Variants in UBA52 observed in about 807,000 individuals in gnomAD.
UBA52 encodes the protein ubiquitin A-52 residue ribosomal protein fusion product 1, also known as ubiquitin-ribosomal protein eL40 fusion protein.
UBA52 carries 1 observed loss-of-function variant against 15.3 expected under a neutral mutation model. The ratio of observed to expected loss-of-function variants is 0.07; its 90% CI spans 0.02 to 0.31. UBA52 has a LOEUF of 0.31. Among genes scored for constraint, UBA52 ranks in the 10% least tolerant of loss-of-function variants. The probability of loss-of-function intolerance (pLI) is 1.00; values close to 1 mark genes in which losing one functional copy is unlikely to be tolerated. For missense variants in UBA52, 87 were observed against 168.0 expected (o/e 0.52, Z 2.66); for synonymous variants, 50 against 58.3 (o/e 0.86, Z 0.65).
In UBA52 at chr19:18,573,326, C is replaced by G; in HGVS notation, c.26C>G (p.Thr9Ser). 6.2e-7 allele frequency: 1 copy of G among 1,614,236 alleles called. No individual in the cohort carries two copies. Among genetic ancestry groups the G allele is most frequent in the Non-Finnish European group, 8.5e-7 (1 of 1,180,032 alleles). The part of the protein sequence containing the change: MQIFVKTL[T>S]GKTITLEVEP... ...ATGCAGATCTTTGTGAAGACCCTCA[C>G]TGGCAAAACCATCACCCTTGAGGTC... The change falls in exon 2 of 5, where the codon ACT becomes AGT. Residue 9 changes from threonine to serine, a missense_variant. Coordinates refer to ENST00000442744, the MANE Select transcript of UBA52 (RefSeq NM_001033930.3).
In UBA52 at chr19:18,576,998, T is replaced by TTTTTTA. The variant is rs1235449754; in HGVS notation, c.*1848_*1849insTTTTTA. On this transcript the variant is annotated 3_prime_UTR_variant, in exon 5 of 5. Coordinates refer to ENST00000442744, the MANE Select transcript of UBA52 (RefSeq NM_001033930.3). The stretch of plus-strand genomic sequence containing the variant: ...ACATTTTTTTTTTTTTTTTTTTTTT[T>TTTTTTA]ACAGACATGGTCTCGCTATGTTGCC... The TTTTTTA allele has an allele frequency of 6.7e-6, 1 of 148,884 alleles. No homozygotes were observed. Among genetic ancestry groups the TTTTTTA allele is most frequent in the Non-Finnish European group, 1.5e-5 (1 of 67,578 alleles). 9.2% of individuals were successfully genotyped at this position (148,884 alleles called of 1,614,324 possible).
At chr19:18,570,761 A>G, upstream of UBA52, among the ~76,000 whole-genome samples, 1 of 131,166 alleles carries the variant, frequency 7.6e-6, no homozygotes, top group East Asian at 2.2e-4. Context: ...TCTCTCGGCT[A>G]ATTGCAACCT....
upstream of UBA52, among the ~76,000 whole-genome samples, chr19:18,570,624 G>A (rs1178626888): frequency 1.4e-5 from 2 of 146,274 alleles, no homozygotes; most frequent in Non-Finnish European, 3.0e-5. Flanking sequence ...CGATTCTCCT[G>A]CCTCAGCCTC....
chr19:18,565,115 TTTC>T, the UBA52 span: 1 of 1,539,622 alleles, frequency 6.5e-7, no homozygotes. Flanking sequence ...TAAAGGGAGA[TTTC>T]TGTTTGTTTT....
rs1027396735 is a variant in UBA52, at chr19:18,576,861, T to G, written c.*1711T>G. ...TTTTCTGTTTTTAGTAGAGACAGGGTTTTGCTATGTTGGCCAGGCTGGTCT... is the reference window on the plus strand; with the variant it reads ...TTTTCTGTTTTTAGTAGAGACAGGGGTTTGCTATGTTGGCCAGGCTGGTCT... On this transcript the variant is annotated 3_prime_UTR_variant, in exon 5 of 5. Transcript: ENST00000442744. 2.6e-5 allele frequency: 4 copies of G among 151,880 alleles called. No homozygotes were observed. Among genetic ancestry groups the G allele is most frequent in the African/African-American group, 9.7e-5 (4 of 41,306 alleles). The allele number at this position is 151,880 out of a possible 1,614,324, so 9.4% of individuals were successfully genotyped here. A position where few individuals can be genotyped will look rare whatever the true frequency, so the allele number is the denominator to read the frequency against.
chr19:18,574,374 C>T (rs1350936775), intron 3 of UBA52, among the ~76,000 whole-genome samples: 1 of 151,766 alleles, frequency 6.6e-6, no homozygotes, highest in Non-Finnish European at 1.5e-5. Context: ...CTGTGACCTC[C>T]GTCTCCCGGG....
chr19:18,571,192 C>T (rs548149524), upstream of UBA52, among the ~76,000 whole-genome samples: 2 of 151,614 alleles, frequency 1.3e-5, no homozygotes, highest in South Asian at 4.2e-4. Flanking sequence ...CACTTGTAAT[C>T]GCAGCTACTC....
At chr19:18,565,315 C>T in the UBA52 span, 34 of 592,156 alleles carry the variant, frequency 5.7e-5, no homozygotes, top group African/African-American at 4.4e-4. Context: ...CTGCAAGCTC[C>T]GCTTCCCGGG....
At chr19:18,565,077 G>A in the UBA52 span, 2 of 1,585,464 alleles carry the variant, frequency 1.3e-6, no homozygotes, top group Non-Finnish European at 1.7e-6. Flanking sequence ...CTCCCCATCT[G>A]AGCCTCAGTT....
At chr19:18,568,306 G>A, upstream of UBA52, 1 of 860,268 alleles carries the variant, frequency 1.2e-6, no homozygotes, top group Non-Finnish European at 1.9e-6. Flanking sequence ...ACCCCCATGG[G>A]GTGAGGGCAG....
chr19:18,567,995 C>T (rs769335567), upstream of UBA52, among the ~76,000 whole-genome samples: 6 of 152,264 alleles, frequency 3.9e-5, no homozygotes, highest in South Asian at 2.1e-4. Context: ...CTGCCAGGCG[C>T]GGTGGCTCAT....
rs6554 is a variant in UBA52, at chr19:18,575,154, G to T, written c.*4G>T. The T allele has an allele frequency of 0.61, 988,142 of 1,613,814 alleles. 307,670 individuals are homozygous for T. The highest frequency in any genetic ancestry group is 0.92 in the African/African-American group (68,755 of 75,008). On this transcript the variant is annotated 3_prime_UTR_variant, in exon 5 of 5. Coordinates refer to ENST00000442744, the MANE Select transcript of UBA52 (RefSeq NM_001033930.3). ...TCCCAAGAAGAAGGTCAAATAAGGTGGTTCTTTCCTTGAAGGGCAGCCTCC... is the reference window on the plus strand; with the variant it reads ...TCCCAAGAAGAAGGTCAAATAAGGTTGTTCTTTCCTTGAAGGGCAGCCTCC...
At chr19:18,571,237 G>C (rs987102512), upstream of UBA52, among the ~76,000 whole-genome samples, 1 of 150,944 alleles carries the variant, frequency 6.6e-6, no homozygotes, top group South Asian at 2.1e-4. Flanking sequence ...TTGAACCCAG[G>C]AGGCGGAGGT....
chr19:18,576,184 A>G lies in UBA52; in HGVS notation c.*1034A>G, dbSNP rs1975776155. ...TGGTGTTTTCCCCTTAAGGTCACCC[A>G]GGCTGGAATGCAGTGGTGTGGTCAT... is the stretch of plus-strand genomic sequence containing the variant. On this transcript the variant is annotated 3_prime_UTR_variant, in exon 5 of 5. Transcript: ENST00000442744. 6.6e-6 allele frequency: 1 copy of G among 152,404 alleles called. No individual in the cohort carries two copies. Among genetic ancestry groups the G allele is most frequent in the Non-Finnish European group, 1.5e-5 (1 of 68,192 alleles). The allele number at this position is 152,404 out of a possible 1,614,324, so 9.4% of individuals were successfully genotyped here.
At chr19:18,570,963 T>C (rs984760697), upstream of UBA52, among the ~76,000 whole-genome samples, 4 of 149,764 alleles carry the variant, frequency 2.7e-5, no homozygotes, top group African/African-American at 9.8e-5. Context: ...CAGGCGTGAG[T>C]CACCGGACCC....
At chr19:18,573,249 C>T (rs1419702744) in intron 1 of UBA52, 44 bp from the exon 2 acceptor site, 2 of 1,564,546 alleles carry the variant, frequency 1.3e-6, no homozygotes, top group East Asian at 2.2e-5. Flanking sequence ...GCTACTCAGG[C>T]ATGCATTGCT....
At chr19:18,565,530 C>A in the UBA52 span, among the ~76,000 whole-genome samples, 74,088 of 151,030 alleles carry the variant, frequency 0.49, 19,454 homozygotes, top group East Asian at 0.66. Context: ...CTGCGCCCGG[C>A]CGAGACAGAG....
upstream of UBA52, chr19:18,567,255 TG>T: frequency 7.0e-7 from 1 of 1,434,628 alleles, no homozygotes; most frequent in Non-Finnish European, 9.8e-7. Flanking sequence ...AAGGCCACCT[TG>T]GGGCCTGATA....
At position 18,576,661 on chromosome 19, in the gene UBA52, C is replaced by CT. The variant is rs568171254; in HGVS notation, c.*1528dup. On this transcript the variant is annotated 3_prime_UTR_variant, in exon 5 of 5. Transcript: ENST00000442744. ...CCTGTTTAGTTTTGGTTTTTTATCA[C>CT]TTTTTTTTTTTTTTTTTGAGATGGA... 0.16 allele frequency: 21,691 copies of CT among 137,518 alleles called. 4,106 individuals carry two copies. Among genetic ancestry groups the CT allele is most frequent in the African/African-American group, 0.46 (16,691 of 36,596 alleles). The allele number at this position is 137,518 out of a possible 1,614,324, so 8.5% of individuals were successfully genotyped here.
Sources: gnomAD v4.1 joint callset for allele counts (sites outside exome capture counted in the v4.1 genomes callset) on GRCh38, gnomAD v4.1.1 for gene constraint, MANE v1.5 for transcripts, NCBI Gene and HGNC (gene_info 2026-07-23, HGNC 2026-07-21) for gene names.